MAP1S: variants seen among roughly 807,000 people sequenced by gnomAD.
The protein encoded by MAP1S is microtubule associated protein 1S, also known as microtubule-associated protein 1S.
In MAP1S, 27 loss-of-function variants were observed where a neutral mutation model predicts 60.9. The ratio of observed to expected loss-of-function variants is 0.44; its 90% CI spans 0.33 to 0.61. The LOEUF is 0.61. Ranked by LOEUF, MAP1S falls within the 20% of genes least tolerant of loss-of-function variation. MAP1S has a pLI of 0.03. For missense variants in MAP1S, 1,608 were observed against 1,486.6 expected, an observed-to-expected ratio of 1.08 and a Z score of -1.34; for synonymous variants, 826 against 694.2, an observed-to-expected ratio of 1.19 and a Z score of -2.98.
chr19:17,728,100 A>T lies in MAP1S; in HGVS notation c.2716A>T (p.Ser906Cys). 6.2e-7 allele frequency: 1 copy of T among 1,612,100 alleles called. No homozygotes were observed. The highest frequency in any genetic ancestry group is 8.5e-7 in the Non-Finnish European group (1 of 1,179,486). The part of the protein sequence containing the change: ...SRPLSARSEP[S>C]EKGGRAPLSR... ...ACCACTCAGTGCCCGGAGTGAGCCC[A>T]GTGAGAAGGGAGGCCGGGCACCCCT... Residue 906 changes from serine (S) to cysteine (C), a missense_variant, in exon 5 of 7, where the codon AGT (serine) becomes TGT (cysteine). This residue lies in a region of MAP1S where 1,167 missense variants were observed against 961.4 expected (regional missense o/e 1.21). Coordinates refer to ENST00000324096, the MANE Select transcript of MAP1S (RefSeq NM_018174.6).
rs774323568 is a variant in MAP1S, at chr19:17,726,758, G to A, written c.1374G>A (p.Val458=). The A allele has an allele frequency of 6.4e-7, 1 of 1,567,036 alleles. No homozygotes were observed. Among genetic ancestry groups the A allele is most frequent in the South Asian group, 1.2e-5 (1 of 85,762 alleles). ...LQHLRFLREP[V]VTPQDLEGPG... is the part of the protein sequence containing the mutation. ...ACTTGAGGTTCCTGCGAGAGCCCGT[G>A]GTGACGCCCCAGGACCTGGAGGGGC... Residue 458 remains valine (V), a synonymous_variant, in exon 5 of 7, where the codon GTG becomes GTA. Coordinates refer to ENST00000324096, the MANE Select transcript of MAP1S (RefSeq NM_018174.6).
Position 17,727,958 on chromosome 19 carries a change from C to T in MAP1S, c.2574C>T (p.Asn858=), listed in dbSNP as rs1382180475. ...LPPKTARQTE[N]VSRTRKPLAR... ...CCAAGACAGCACGGCAAACGGAGAA[C>T]GTCAGCCGCACCCGGAAGCCCCTGG... Residue 858 remains asparagine, a synonymous_variant, in exon 5 of 7, where the codon AAC becomes AAT. Transcript: ENST00000324096. The surrounding 1 kb of genome is among the most constrained non-coding windows in gnomAD (Gnocchi z 4.1). 10 of 1,607,358 alleles carry T rather than the reference C, an allele frequency of 6.2e-6. No homozygotes were observed. The highest frequency in any genetic ancestry group is 3.3e-5 in the South Asian group (3 of 90,694).
intron 1 of MAP1S, 71 bp from the exon 2 acceptor site, chr19:17,720,865 C>A: frequency 1.7e-6 from 2 of 1,200,648 alleles, no homozygotes; most frequent in East Asian, 2.3e-5. Context: ...CCACGGGGTG[C>A]TAATTATTGA....
chr19:17,733,271 G>A lies in MAP1S; in HGVS notation c.2867G>A (p.Ser956Asn). 6.4e-7 allele frequency: 1 copy of A among 1,566,090 alleles called. No individual in the cohort carries two copies. Among genetic ancestry groups the A allele is most frequent in the Non-Finnish European group, 8.6e-7 (1 of 1,156,490 alleles). Reference sequence around the variant, plus strand: ...TACCTGGACCTGGCCTACCTGCCCAGCGGGAGCAGCGCCCACCTGGTGGAT... The same window carrying A: ...TACCTGGACCTGGCCTACCTGCCCAACGGGAGCAGCGCCCACCTGGTGGAT... ...PVYLDLAYLPSGSSAHLVDEE... is the reference protein window; with the variant it reads ...PVYLDLAYLPNGSSAHLVDEE... Residue 956 changes from serine (S) to asparagine (N), a missense_variant, in exon 6 of 7, where the codon AGC (serine) becomes AAC (asparagine). Coordinates refer to ENST00000324096, the MANE Select transcript of MAP1S (RefSeq NM_018174.6).
In MAP1S at chr19:17,719,597, A is replaced by T. The variant is rs998684043; in HGVS notation, c.95A>T (p.Tyr32Phe). Residue 32 changes from tyrosine (Y) to phenylalanine (F), a missense_variant, in exon 1 of 7, where the codon TAC (tyrosine) becomes TTC (phenylalanine). By Grantham distance (22) the Tyr-to-Phe change is conservative. Around this residue, in one of 4 missense-constraint regions of MAP1S, gnomAD observed 320 missense variants for 393.1 expected, o/e 0.81. Transcript: ENST00000324096. ...TTCGGGAGCCCGGGGCTCCTCACCTACGTCCTGGAGGAGCTCGAAAGAGGT... is the reference window on the plus strand; with the variant it reads ...TTCGGGAGCCCGGGGCTCCTCACCTTCGTCCTGGAGGAGCTCGAAAGAGGT... ...SEFGSPGLLTYVLEELERGIR... is the reference protein window; with the variant it reads ...SEFGSPGLLTFVLEELERGIR... The T allele has an allele frequency of 5.6e-6, 7 of 1,243,618 alleles. No individual in the cohort carries two copies. In the African/African-American group the frequency reaches 1.1e-4, roughly 19 times the overall value. The allele number at this position is 1,243,618 out of a possible 1,614,324, so 77.0% of individuals were successfully genotyped here.
Position 17,727,479 on chromosome 19 carries a change from T to G in MAP1S, c.2095T>G (p.Ser699Ala), listed in dbSNP as rs776422515. The change falls in exon 5 of 7, where the codon TCG becomes GCG. Residue 699 changes from serine to alanine, a missense_variant. Ser to Ala is a moderately conservative substitution (Grantham distance 99, BLOSUM62 1). Around this residue, in one of 4 missense-constraint regions of MAP1S, gnomAD observed 1,167 missense variants for 961.4 expected, o/e 1.21. Transcript: ENST00000324096. This position sits in a 1 kb window ranked among gnomAD's most constrained non-coding sequence, Gnocchi z 4.1. ...PHSTEVDESLSVSFEQVLPPS... is the reference protein window; with the variant it reads ...PHSTEVDESLAVSFEQVLPPS... Reference sequence around the variant, plus strand: ...CTCGACCGAGGTGGACGAGTCCCTGTCGGTGTCCTTTGAGCAGGTGCTGCC... The same window carrying G: ...CTCGACCGAGGTGGACGAGTCCCTGGCGGTGTCCTTTGAGCAGGTGCTGCC... 1 of 1,610,062 alleles carries G rather than the reference T, an allele frequency of 6.2e-7. No individual in the cohort carries two copies. The highest frequency in any genetic ancestry group is 8.5e-7 in the Non-Finnish European group (1 of 1,178,672).
chr19:17,733,269 C>T lies in MAP1S; in HGVS notation c.2865C>T (p.Pro955=), dbSNP rs1369910674. 1 of 1,564,464 alleles carries T rather than the reference C, an allele frequency of 6.4e-7. No homozygotes were observed. The highest frequency in any genetic ancestry group is 1.4e-5 in the African/African-American group (1 of 73,690). Residue 955 remains proline, a synonymous_variant, in exon 6 of 7, where the codon CCC becomes CCT. Coordinates refer to ENST00000324096, the MANE Select transcript of MAP1S (RefSeq NM_018174.6). The stretch of plus-strand genomic sequence containing the variant: ...TCTACCTGGACCTGGCCTACCTGCC[C>T]AGCGGGAGCAGCGCCCACCTGGTGG... ...SPVYLDLAYL[P]SGSSAHLVDE...
In MAP1S at chr19:17,728,116, G is replaced by A. The variant is rs757130890; in HGVS notation, c.2732G>A (p.Arg911Gln). The A allele has an allele frequency of 7.4e-6, 12 of 1,611,504 alleles. No homozygotes were observed. In the South Asian group the frequency reaches 1.1e-4, roughly 15 times the overall value. Residue 911 changes from arginine to glutamine, a missense_variant, in exon 5 of 7, where the codon CGG becomes CAG. By Grantham distance (43) the Arg-to-Gln change is conservative. Coordinates refer to ENST00000324096, the MANE Select transcript of MAP1S (RefSeq NM_018174.6). Reference sequence around the variant, plus strand: ...AGTGAGCCCAGTGAGAAGGGAGGCCGGGCACCCCTGTCCAGAAAGTCCTCA... The same window carrying A: ...AGTGAGCCCAGTGAGAAGGGAGGCCAGGCACCCCTGTCCAGAAAGTCCTCA... Reference protein sequence around the residue: ...ARSEPSEKGGRAPLSRKSSTP... With the variant: ...ARSEPSEKGGQAPLSRKSSTP...
At chr19:17,730,105 A>G (rs1373959759) in intron 5 of MAP1S, among the ~76,000 whole-genome samples, 1 of 151,750 alleles carries the variant, frequency 6.6e-6, no homozygotes, top group Non-Finnish European at 1.5e-5. Flanking sequence ...ACCACGCCCG[A>G]CTCAACGTTT....
intron 2 of MAP1S, among the ~76,000 whole-genome samples, chr19:17,721,639 C>T (rs1484182543): frequency 6.6e-6 from 1 of 152,152 alleles, no homozygotes; most frequent in South Asian, 2.1e-4. Context: ...TGCGCCACTG[C>T]ACTCCTGCCT....
At chr19:17,719,660 G>A in intron 1 of MAP1S, 40 bp downstream of exon 1, 1 of 1,145,240 alleles carries the variant, frequency 8.7e-7, no homozygotes, top group South Asian at 4.3e-5. Flanking sequence ...CCGGGAGGCG[G>A]GCCCGTTCGC....
chr19:17,730,718 A>G lies in MAP1S; in HGVS notation c.2789-2475A>G, dbSNP rs187473729. ...CCTTTAGCAGATAAATGGCTTGCAA[A>G]TATTTCCTCCCATTCTGTGAGCTGC... is the stretch of plus-strand genomic sequence containing the variant. On this transcript the variant is annotated intron_variant, in intron 5 of 6. Coordinates refer to ENST00000324096, the MANE Select transcript of MAP1S (RefSeq NM_018174.6). Among the ~76,000 whole-genome samples the G allele has an allele frequency of 7.9e-5, 12 of 152,220 alleles. No individual in the cohort carries two copies. The East Asian group carries it at 2.3e-3, about 29-fold the overall frequency.
At position 17,726,733 on chromosome 19, in the gene MAP1S, A is replaced by G; in HGVS notation, c.1349A>G (p.His450Arg). The G allele has an allele frequency of 2.5e-6, 4 of 1,587,398 alleles. No individual in the cohort carries two copies. Among genetic ancestry groups the G allele is most frequent in the Non-Finnish European group, 2.6e-6 (3 of 1,170,164 alleles). The part of the protein sequence containing the change: ...CLLDGLVRLQ[H>R]LRFLREPVVT... ...CTGGACGGCCTGGTCCGCCTGCAGC[A>G]CTTGAGGTTCCTGCGAGAGCCCGTG... The change falls in exon 5 of 7, where the codon CAC (histidine) becomes CGC (arginine). Residue 450 changes from histidine to arginine, a missense_variant. Coordinates refer to ENST00000324096, the MANE Select transcript of MAP1S (RefSeq NM_018174.6).
rs777000114 is a variant in MAP1S at position 17,724,146 on chromosome 19, C to T, written c.241C>T (p.Arg81Cys). 51 of 1,613,800 alleles carry T rather than the reference C, an allele frequency of 3.2e-5. No homozygotes were observed. Among genetic ancestry groups the T allele is most frequent in the Middle Eastern group, 1.6e-4 (1 of 6,084 alleles). The stretch of plus-strand genomic sequence containing the variant: ...CACAGGCCAGCGGAGCCTGCACCAC[C>T]GTGGAGACAACCTGGAGACCCTGGT... The part of the protein sequence containing the change: ...IVKGQRSLHH[R>C]GDNLETLVLL... Residue 81 changes from arginine (R) to cysteine (C), a missense_variant, in exon 3 of 7, where the codon CGT becomes TGT. By Grantham distance (180) the Arg-to-Cys change is radical (BLOSUM62 -3). Coordinates refer to ENST00000324096, the MANE Select transcript of MAP1S (RefSeq NM_018174.6).
intron 5 of MAP1S, among the ~76,000 whole-genome samples, chr19:17,731,618 C>A (rs890632855): frequency 3.3e-5 from 5 of 152,168 alleles, no homozygotes; most frequent in African/African-American, 1.2e-4. Context: ...TATAGAAATT[C>A]AACTGTGTTT....
Position 17,727,910 on chromosome 19 carries a change from G to C in MAP1S, c.2526G>C (p.Met842Ile), listed in dbSNP as rs1295203914. ...TGCCTGACCCATCCAGCATCTGCAT[G>C]GTGGACCCCGAGATGCTGCCCCCCA... is the stretch of plus-strand genomic sequence containing the variant. ...PPLPDPSSIC[M>I]VDPEMLPPKT... Residue 842 changes from methionine to isoleucine, a missense_variant, in exon 5 of 7, where the codon ATG becomes ATC. Physicochemically the swap from Met to Ile is conservative, Grantham distance 10. Transcript: ENST00000324096. The surrounding 1 kb of genome is among the most constrained non-coding windows in gnomAD (Gnocchi z 4.1). The C allele has an allele frequency of 6.2e-7, 1 of 1,612,228 alleles. No homozygotes were observed. The highest frequency in any genetic ancestry group is 1.1e-5 in the South Asian group (1 of 91,034).
chr19:17,734,317 G>A lies in MAP1S; in HGVS notation c.3069G>A (p.Trp1023Ter), dbSNP rs1246347252. 1 of 1,613,934 alleles carries A rather than the reference G, an allele frequency of 6.2e-7. No homozygotes were observed. Among genetic ancestry groups the A allele is most frequent in the South Asian group, 1.1e-5 (1 of 91,078 alleles). The stretch of plus-strand genomic sequence containing the variant: ...TCGACTCGGTGGCCATGCATACGTG[G>A]TACGCAGAGACGCACGCCCGGCACC... ...PTFDSVAMHT[W>*]YAETHARHQA... The change falls in exon 7 of 7, where the codon TGG becomes TGA. Residue 1023 changes from tryptophan to a stop codon, truncating the protein, a stop_gained. Coordinates refer to ENST00000324096, the MANE Select transcript of MAP1S (RefSeq NM_018174.6). LOFTEE classifies it low-confidence loss of function (END_TRUNC).
In MAP1S at chr19:17,726,988, G is replaced by A. The variant is rs115121055; in HGVS notation, c.1604G>A (p.Arg535Gln). 4.4e-6 allele frequency: 7 copies of A among 1,578,128 alleles called. No individual in the cohort carries two copies. The highest frequency in any genetic ancestry group is 2.7e-5 in the African/African-American group (2 of 74,318). ...AAAGACCCCAAACCGAGTGTCTCCC[G>A]GACCCAGCCGCGGGAGGTGCGCCGG... is the stretch of plus-strand genomic sequence containing the variant. The part of the protein sequence containing the change: ...LKKDPKPSVS[R>Q]TQPREVRRAA... The change falls in exon 5 of 7, where the codon CGG (arginine) becomes CAG (glutamine). Residue 535 changes from arginine to glutamine, a missense_variant. Physicochemically the swap from Arg to Gln is conservative, Grantham distance 43. Around this residue, in one of 4 missense-constraint regions of MAP1S, gnomAD observed 1,167 missense variants for 961.4 expected, o/e 1.21. Transcript: ENST00000324096.
intron 1 of MAP1S, chr19:17,720,104 T>G: frequency 1.0e-5 from 12 of 1,194,888 alleles, no homozygotes; most frequent in Middle Eastern, 3.4e-4. Context: ...GAGCTGCTAA[T>G]TGGGGTGTGG....
Sources: gnomAD v4.1 joint callset for allele counts (sites outside exome capture counted in the v4.1 genomes callset) on GRCh38, gnomAD v4.1.1 for gene constraint, gnomAD v4.1.1 regional missense constraint, Gnocchi (gnomAD v3.1) non-coding constraint, MANE v1.5 for transcripts, NCBI Gene and HGNC (gene_info 2026-07-23, HGNC 2026-07-21) for gene names.